The following TP63 variants were observed in gnomAD, a reference collection of about 807,000 sequenced individuals.
TP63 encodes the protein tumor protein p63.
A neutral mutation model predicts 82.8 loss-of-function variants in TP63; 17 were observed. The observed-to-expected ratio is 0.21, with a 90% CI of 0.14 to 0.31. The LOEUF is 0.31. Among genes scored for constraint, TP63 ranks in the 10% least tolerant of loss-of-function variants. TP63 has a pLI of 1.00. For synonymous variants in TP63, 330 were observed against 321.7 expected (o/e 1.03, Z -0.28); for missense variants, 648 against 895.3 (o/e 0.72, Z 3.52).
At chr3:189,669,226 T>C (rs1714678291) in intron 1 of TP63, among the ~76,000 whole-genome samples, 1 of 151,654 alleles carries the variant, frequency 6.6e-6, no homozygotes, top group Admixed American at 6.6e-5. Flanking sequence ...AAAAAAACAA[T>C]ACTAACAACC....
chr3:189,721,417 G>A (rs189424607), intron 1 of TP63, among the ~76,000 whole-genome samples: 89 of 151,702 alleles, frequency 5.9e-4, no homozygotes, highest in African/African-American at 2.0e-3. Context: ...GGATTCCCCC[G>A]TAGTTACCTG....
At chr3:189,682,496 T>C (rs1380037878) in intron 1 of TP63, among the ~76,000 whole-genome samples, 1 of 145,528 alleles carries the variant, frequency 6.9e-6, no homozygotes, top group Non-Finnish European at 1.5e-5. Flanking sequence ...TGCTGATTGT[T>C]TAACCCAGCA....
intron 4 of TP63, among the ~76,000 whole-genome samples, chr3:189,858,502 TAG>T (rs1716599483): frequency 2.0e-5 from 3 of 151,742 alleles, no homozygotes; most frequent in Admixed American, 2.0e-4. Context: ...AGGTTGGGCA[TAG>T]TGGCTCATGC....
chr3:189,857,025 A>G (rs2108778561), intron 4 of TP63, among the ~76,000 whole-genome samples: 1 of 152,238 alleles, frequency 6.6e-6, no homozygotes, highest in Non-Finnish European at 1.5e-5. Context: ...TGTAAACTGC[A>G]TGTAAATTTT....
At chr3:189,635,393 T>C (rs1237613511) in intron 1 of TP63, among the ~76,000 whole-genome samples, 1 of 152,162 alleles carries the variant, frequency 6.6e-6, no homozygotes, top group Non-Finnish European at 1.5e-5. Context: ...AGCTCTGTGT[T>C]GGGCGTCCTT....
At chr3:189,810,211 A>G (rs867607630) in intron 4 of TP63, among the ~76,000 whole-genome samples, 1 of 152,276 alleles carries the variant, frequency 6.6e-6, no homozygotes, top group Middle Eastern at 3.4e-3. Context: ...GAGTAAACTT[A>G]GAGTTTATAG....
intron 4 of TP63, among the ~76,000 whole-genome samples, chr3:189,860,151 A>G (rs2108786026): frequency 6.6e-6 from 1 of 152,290 alleles, no homozygotes; most frequent in African/African-American, 2.4e-5. Flanking sequence ...CCATACAAAA[A>G]AGAATAAATT....
chr3:189,680,503 T>A lies in TP63; in HGVS notation c.62+48926T>A, dbSNP rs183937736. Among the ~76,000 whole-genome samples, 233 of 152,192 alleles carry A rather than the reference T, an allele frequency of 1.5e-3. 2 individuals carry two copies. Among genetic ancestry groups the A allele is most frequent in the Non-Finnish European group, 2.9e-3 (194 of 68,008 alleles). ...AGAAACAAATAACAGATCATCAATATCCCTGGTGAACACAGACATAAAAAT... is the reference window on the plus strand; with the variant it reads ...AGAAACAAATAACAGATCATCAATAACCCTGGTGAACACAGACATAAAAAT... On this transcript the variant is annotated intron_variant, in intron 1 of 13. Transcript: ENST00000264731.
chr3:189,866,289 G>A lies in TP63; in HGVS notation c.767-393G>A, dbSNP rs562877669. On this transcript the variant is annotated intron_variant, in intron 5 of 13. Coordinates refer to ENST00000264731, the MANE Select transcript of TP63 (RefSeq NM_003722.5). Reference sequence around the variant, plus strand: ...TATTTGCTGGTCAGACTTTTGGGCAGCATTTTCTCAGTTAAACTGATTTTT... The same window carrying A: ...TATTTGCTGGTCAGACTTTTGGGCAACATTTTCTCAGTTAAACTGATTTTT... 1.1e-3 allele frequency among the ~76,000 whole-genome samples: 166 copies of A among 152,234 alleles called. 1 individual carries two copies. The highest frequency in any genetic ancestry group is 3.4e-3 in the Middle Eastern group (1 of 294).
chr3:189,839,432 A>G (rs927166837), intron 4 of TP63, among the ~76,000 whole-genome samples: 1 of 152,160 alleles, frequency 6.6e-6, no homozygotes, highest in Admixed American at 6.5e-5. Context: ...TATTATAGGA[A>G]CTTCAGACAT....
chr3:189,710,229 G>A (rs1172653444), intron 1 of TP63, among the ~76,000 whole-genome samples: 1 of 152,102 alleles, frequency 6.6e-6, no homozygotes, highest in South Asian at 2.1e-4. Flanking sequence ...CTCCTAACAG[G>A]CCTAGGGGAT....
chr3:189,619,201 T>C, the TP63 span, among the ~76,000 whole-genome samples: 1 of 152,180 alleles, frequency 6.6e-6, no homozygotes, highest in Admixed American at 6.5e-5. Flanking sequence ...AAATTAGCAC[T>C]GTCTGGGACC....
the TP63 span, among the ~76,000 whole-genome samples, chr3:189,617,314 C>T: frequency 6.6e-6 from 1 of 152,230 alleles, no homozygotes; most frequent in Non-Finnish European, 1.5e-5. Flanking sequence ...GAAGAGTTAA[C>T]ATGGCCCTGA....
intron 10 of TP63, among the ~76,000 whole-genome samples, chr3:189,879,280 A>G (rs888825055): frequency 1.4e-4 from 22 of 152,238 alleles, no homozygotes; most frequent in Non-Finnish European, 2.9e-4. Context: ...CTGGGAAACA[A>G]TTTCCAAACA....
chr3:189,639,840 G>A (rs1476653919), intron 1 of TP63, among the ~76,000 whole-genome samples: 1 of 152,076 alleles, frequency 6.6e-6, no homozygotes, highest in Admixed American at 6.6e-5. Context: ...ACATATACAG[G>A]TTTATAATAG....
At chr3:189,824,251 C>T (rs1334834163) in intron 4 of TP63, among the ~76,000 whole-genome samples, 1 of 151,720 alleles carries the variant, frequency 6.6e-6, no homozygotes, top group Non-Finnish European at 1.5e-5. Context: ...GAGTCTCGCT[C>T]CGTCACCCAG....
intron 3 of TP63, among the ~76,000 whole-genome samples, chr3:189,778,827 C>T (rs943854612): frequency 6.6e-6 from 1 of 152,212 alleles, no homozygotes; most frequent in Non-Finnish European, 1.5e-5. Context: ...GAGAAACTAT[C>T]ACAAAACCTC....
At chr3:189,742,015 T>C (rs1338619141) in intron 3 of TP63, among the ~76,000 whole-genome samples, 1 of 151,940 alleles carries the variant, frequency 6.6e-6, no homozygotes, top group Non-Finnish European at 1.5e-5. Flanking sequence ...GGCCGAGGTG[T>C]GTGGATCACC....
chr3:189,675,969 G>A lies in TP63; in HGVS notation c.62+44392G>A, dbSNP rs547847718. Among the ~76,000 whole-genome samples, 90 of 121,030 alleles carry A rather than the reference G, an allele frequency of 7.4e-4. No homozygotes were observed. The South Asian group carries it at 0.02, about 27-fold the overall frequency. 79.4% of individuals were successfully genotyped at this position (121,030 alleles called of 152,430 possible). A position where few individuals can be genotyped will look rare whatever the true frequency, so the allele number is the denominator to read the frequency against. On this transcript the variant is annotated intron_variant, in intron 1 of 13. Coordinates refer to ENST00000264731, the MANE Select transcript of TP63 (RefSeq NM_003722.5). ...ACACACACATTCATTAAAAAGAACC[G>A]TGAACCCTTTGAAAAACCATTAGTA...
Sources: allele counts gnomAD v4.1 joint callset (sites outside exome capture counted in the v4.1 genomes callset), GRCh38; gene constraint gnomAD v4.1.1; transcripts MANE v1.5; gene names NCBI Gene and HGNC (gene_info 2026-07-23, HGNC 2026-07-21).